The following EEF1D variants were observed in gnomAD, a reference collection of about 807,000 sequenced individuals.
The protein encoded by EEF1D is eukaryotic translation elongation factor 1 delta.
In EEF1D, 47 loss-of-function variants were observed where a neutral mutation model predicts 63.9. The ratio of observed to expected loss-of-function variants is 0.74; its 90% CI spans 0.58 to 0.94. The LOEUF is 0.94. Ranked by LOEUF, EEF1D falls within the 40% of genes least tolerant of loss-of-function variation. The pLI is 0.00. For synonymous variants in EEF1D, 412 were observed against 386.1 expected (o/e 1.07, Z -0.79); for missense variants, 907 against 899.0 (o/e 1.01, Z -0.11).
In EEF1D at chr8:143,590,129, C is replaced by T. The variant is rs540637677; in HGVS notation, c.1-48G>A. 15 of 1,597,882 alleles carry T rather than the reference C, an allele frequency of 9.4e-6. No homozygotes were observed. The South Asian group carries it at 1.2e-4, about 13-fold the overall frequency. ...GCAAGCAGAGGGCAGAGTTGCAACA[C>T]AGCGGGTGGCCGCAGCCCCGTGCCC... On this transcript the variant is annotated intron_variant, in intron 2 of 9. Coordinates refer to ENST00000618139, the MANE Select transcript of EEF1D (RefSeq NM_001130053.5).
chr8:143,585,572 G>GC (rs1345679183), intron 5 of EEF1D, among the ~76,000 whole-genome samples: 1 of 152,206 alleles, frequency 6.6e-6, no homozygotes, highest in Non-Finnish European at 1.5e-5. Context: ...CGTTCTTGGG[G>GC]CCAGGACACC....
Position 143,589,769 on chromosome 8 carries a change from C to T in EEF1D, c.313G>A (p.Gly105Ser), listed in dbSNP as rs1197533675. The change falls in exon 3 of 10, where the codon GGC becomes AGC. Residue 105 changes from glycine (G) to serine (S), a missense_variant. Coordinates refer to ENST00000618139, the MANE Select transcript of EEF1D (RefSeq NM_001130053.5). ...GLGPADLALL[G>S]LSAERVWLDK... ...AGCCACACGCGTTCGGCCGAGAGGC[C>T]CAGGAGGGCCAGGTCCGCGGGGCCG... 6.4e-7 allele frequency: 1 copy of T among 1,551,396 alleles called. No individual in the cohort carries two copies. The highest frequency in any genetic ancestry group is 2.0e-5 in the Admixed American group (1 of 49,772).
intron 1 of EEF1D, among the ~76,000 whole-genome samples, chr8:143,595,795 C>T (rs1234667273): frequency 6.6e-6 from 1 of 152,264 alleles, no homozygotes; most frequent in Non-Finnish European, 1.5e-5. Context: ...GACTCCAGCA[C>T]GGCACAGGCT....
At position 143,581,083 on chromosome 8, in the gene EEF1D, C is replaced by G; in HGVS notation, c.1459G>C (p.Gly487Arg). The G allele has an allele frequency of 6.2e-7, 1 of 1,612,396 alleles. No individual in the cohort carries two copies. The highest frequency in any genetic ancestry group is 1.1e-5 in the South Asian group (1 of 91,042). The change falls in exon 7 of 10, where the codon GGC (glycine) becomes CGC (arginine). Residue 487 changes from glycine to arginine, a missense_variant. Transcript: ENST00000618139. ...RLNVLEKSSPGHRATAPQTQH... is the reference protein window; with the variant it reads ...RLNVLEKSSPRHRATAPQTQH... ...GTCTGTGGGGCCGTGGCCCGGTGGC[C>G]AGGCGAGCTCTTCTCCAGCACGTTC...
chr8:143,592,650 G>C lies in EEF1D; in HGVS notation c.-4C>G, dbSNP rs1273096593. On this transcript the variant is annotated 5_prime_UTR_variant, in exon 2 of 10. Coordinates refer to ENST00000618139, the MANE Select transcript of EEF1D (RefSeq NM_001130053.5). Reference sequence around the variant, plus strand: ...ATGAGGACAGGCGAGTACTTACTTTGCTTTGGCCTCCTAGGACAGCATGAA... The same window carrying C: ...ATGAGGACAGGCGAGTACTTACTTTCCTTTGGCCTCCTAGGACAGCATGAA... 1 of 985,570 alleles carries C rather than the reference G, an allele frequency of 1.0e-6. No homozygotes were observed. Among genetic ancestry groups the C allele is most frequent in the Non-Finnish European group, 1.2e-6 (1 of 830,008 alleles). The allele number at this position is 985,570 out of a possible 1,614,324, so 61.1% of individuals were successfully genotyped here.
At chr8:143,591,983 T>C in intron 2 of EEF1D, 1 of 962,704 alleles carries the variant, frequency 1.0e-6, no homozygotes, top group East Asian at 1.1e-4. Context: ...CAACAAGTTC[T>C]AATGGCACCA....
intron 2 of EEF1D, chr8:143,592,129 G>T (rs1271521181): frequency 2.0e-6 from 2 of 985,396 alleles, no homozygotes; most frequent in Non-Finnish European, 2.4e-6. Context: ...TTGTGGGTTG[G>T]GGGTGGGGTG....
chr8:143,591,495 T>C (rs1827950649), intron 2 of EEF1D, among the ~76,000 whole-genome samples: 1 of 152,206 alleles, frequency 6.6e-6, no homozygotes, highest in South Asian at 2.1e-4. Flanking sequence ...CAGCCTGCGA[T>C]AGCTTCCTCC....
chr8:143,579,923 T>C (rs955434512), intron 9 of EEF1D, 89 bp downstream of exon 9: 5 of 1,550,126 alleles, frequency 3.2e-6, no homozygotes, highest in East Asian at 2.3e-5. Context: ...ACTCTGGGAC[T>C]CGCTCCCCAC....
At chr8:143,588,528 A>G (rs577609453) in intron 3 of EEF1D, among the ~76,000 whole-genome samples, 1 of 152,306 alleles carries the variant, frequency 6.6e-6, no homozygotes, top group East Asian at 1.9e-4. Flanking sequence ...TTCAGGTGAC[A>G]AGGAAAGCTG....
Position 143,580,103 on chromosome 8 carries a change from C to T in EEF1D, c.1814G>A (p.Gly605Asp), listed in dbSNP as rs1825091046. ...GASKLVPVGY[G>D]IRKLQIQCVV... ...ACACTGAATCTGTAGCTTCCGGATA[C>T]CGTAGCCCACGGGCACCAGCTTGGA... The change falls in exon 9 of 10, where the codon GGT becomes GAT. Residue 605 changes from glycine (G) to aspartate (D), a missense_variant. Gly to Asp is a moderately conservative substitution (Grantham distance 94). Coordinates refer to ENST00000618139, the MANE Select transcript of EEF1D (RefSeq NM_001130053.5). 1.2e-6 allele frequency: 2 copies of T among 1,614,004 alleles called. No homozygotes were observed. The highest frequency in any genetic ancestry group is 2.2e-5 in the East Asian group (1 of 44,882).
rs1826724121 is a variant in EEF1D, at chr8:143,586,750, A to G, written c.1194T>C (p.Pro398=). ...TCACCTGGCGGGAGGCACCTGCCAC[A>G]GGCCCGTTCATCTGCTCGTAGAATC... is the stretch of plus-strand genomic sequence containing the variant. ...ERRFYEQMNG[P]VAGASRQENG... is the part of the protein sequence containing the mutation. Residue 398 remains proline, a synonymous_variant, in exon 4 of 10, where the codon CCT becomes CCC. Coordinates refer to ENST00000618139, the MANE Select transcript of EEF1D (RefSeq NM_001130053.5). 1.2e-6 allele frequency: 2 copies of G among 1,613,840 alleles called. No homozygotes were observed. Among genetic ancestry groups the G allele is most frequent in the Admixed American group, 1.7e-5 (1 of 60,012 alleles).
intron 2 of EEF1D, chr8:143,592,052 C>T: frequency 2.0e-6 from 2 of 985,448 alleles, no homozygotes; most frequent in Non-Finnish European, 2.4e-6. Context: ...CCTAGGCTCC[C>T]CTGCTCATTC....
At position 143,589,533 on chromosome 8, in the gene EEF1D, G is replaced by A. The variant is rs774411978; in HGVS notation, c.549C>T (p.Ala183=). Reference sequence around the variant, plus strand: ...GGCTGCCGTCGGGGGCCAGCAACAGGGCCTGAGACCACTCCACGAAGGCCC... The same window carrying A: ...GGCTGCCGTCGGGGGCCAGCAACAGAGCCTGAGACCACTCCACGAAGGCCC... ...AERAFVEWSQ[A]LLLAPDGSRR... Residue 183 remains alanine, a synonymous_variant, in exon 3 of 10, where the codon GCC becomes GCT. Coordinates refer to ENST00000618139, the MANE Select transcript of EEF1D (RefSeq NM_001130053.5). 2 of 1,514,486 alleles carry A rather than the reference G, an allele frequency of 1.3e-6. No individual in the cohort carries two copies. Among genetic ancestry groups the A allele is most frequent in the Non-Finnish European group, 8.8e-7 (1 of 1,130,722 alleles). 93.8% of individuals were successfully genotyped at this position (1,514,486 alleles called of 1,614,324 possible).
chr8:143,585,797 G>A (rs943757487), intron 5 of EEF1D, among the ~76,000 whole-genome samples: 5 of 152,174 alleles, frequency 3.3e-5, no homozygotes, highest in Admixed American at 6.5e-5. Flanking sequence ...AACTCCTTGC[G>A]CCTTGCAGAA....
At chr8:143,592,268 C>G (rs977665202) in intron 2 of EEF1D, 3 of 985,384 alleles carry the variant, frequency 3.0e-6, no homozygotes, top group Admixed American at 1.2e-4. Context: ...TGTTGATGCC[C>G]TACCAGACTT....
intron 5 of EEF1D, 21 bp downstream of exon 5, chr8:143,586,198 C>G (rs1165419390): frequency 3.1e-6 from 5 of 1,600,772 alleles, no homozygotes; most frequent in Non-Finnish European, 4.3e-6. Context: ...GCCCGCAGGT[C>G]CGTGGGCCGC....
rs747867593 is a variant in EEF1D, at chr8:143,580,104, C to T, written c.1813G>A (p.Gly605Ser). The T allele has an allele frequency of 2.7e-5, 44 of 1,613,848 alleles. No individual in the cohort carries two copies. Among genetic ancestry groups the T allele is most frequent in the East Asian group, 8.9e-5 (4 of 44,892 alleles). The change falls in exon 9 of 10, where the codon GGT becomes AGT. Residue 605 changes from glycine to serine, a missense_variant. Coordinates refer to ENST00000618139, the MANE Select transcript of EEF1D (RefSeq NM_001130053.5). ...CACTGAATCTGTAGCTTCCGGATAC[C>T]GTAGCCCACGGGCACCAGCTTGGAA... is the stretch of plus-strand genomic sequence containing the variant. ...GASKLVPVGY[G>S]IRKLQIQCVV...
At chr8:143,590,212 C>T (rs111961134) in intron 2 of EEF1D, 131 bp from the exon 3 acceptor site, 12 of 1,169,926 alleles carry the variant, frequency 1.0e-5, no homozygotes, top group Non-Finnish European at 1.2e-6. Context: ...GCTGAGGATG[C>T]TCCCCAGTGG....
Sources: allele counts gnomAD v4.1 joint callset (sites outside exome capture counted in the v4.1 genomes callset), GRCh38; gene constraint gnomAD v4.1.1; transcripts MANE v1.5; gene names NCBI Gene and HGNC (gene_info 2026-07-23, HGNC 2026-07-21).